ITCH: variants seen among roughly 807,000 people sequenced by gnomAD.
ITCH encodes the protein E3 ubiquitin-protein ligase Itchy homolog.
ITCH carries 28 observed loss-of-function variants against 126.8 expected under a neutral mutation model. The observed-to-expected ratio is 0.22, with a 90% CI of 0.16 to 0.30. The LOEUF is 0.30. Ranked by LOEUF, ITCH falls within the 10% of genes least tolerant of loss-of-function variation. The pLI, the probability that ITCH is intolerant of heterozygous loss-of-function variation, is 1.00. For missense variants in ITCH, 631 were observed against 1,032.4 expected (o/e 0.61, Z 5.33); for synonymous variants, 342 against 340.0 (o/e 1.01, Z -0.06).
intron 23 of ITCH, among the ~76,000 whole-genome samples, chr20:34,498,490 T>G (rs1990031653): frequency 6.6e-6 from 1 of 152,190 alleles, no homozygotes; most frequent in Non-Finnish European, 1.5e-5. Context: ...CTTTATTATG[T>G]TCAGGTACAT....
intron 14 of ITCH, among the ~76,000 whole-genome samples, chr20:34,467,369 A>C (rs1479711629): frequency 1.3e-5 from 2 of 152,116 alleles, no homozygotes; most frequent in East Asian, 3.9e-4. Flanking sequence ...GTCTACAAAA[A>C]ATACAAAATA....
chr20:34,403,161 T>C (rs2038944643), intron 3 of ITCH, among the ~76,000 whole-genome samples: 1 of 152,202 alleles, frequency 6.6e-6, no homozygotes, highest in Admixed American at 6.5e-5. Context: ...TTATTCTGCT[T>C]ATTTATTTAG....
At chr20:34,406,045 A>G (rs961723189) in intron 3 of ITCH, among the ~76,000 whole-genome samples, 1 of 149,318 alleles carries the variant, frequency 6.7e-6, no homozygotes, top group African/African-American at 2.5e-5. Flanking sequence ...TTTTTAAAAG[A>G]CAGTTTTGCT....
At chr20:34,424,398 C>G in intron 6 of ITCH, 82 bp from the exon 7 acceptor site, 1 of 998,380 alleles carries the variant, frequency 1.0e-6, no homozygotes, top group Non-Finnish European at 1.6e-6. Context: ...AAAGGCTTTG[C>G]TTACATGGCA....
intron 2 of ITCH, among the ~76,000 whole-genome samples, chr20:34,375,696 ATTTTTTTTT>A (rs5841171): frequency 2.6e-4 from 17 of 65,520 alleles, no homozygotes; most frequent in Non-Finnish European, 4.0e-4. Context: ...GGTAGTTAAA[ATTTTTTTTT>A]TTTTTTTTTT....
intron 20 of ITCH, among the ~76,000 whole-genome samples, chr20:34,487,417 T>C (rs1209251434): frequency 6.6e-6 from 1 of 152,238 alleles, no homozygotes; most frequent in East Asian, 1.9e-4. Context: ...TAACCATTGC[T>C]ATTTGTTTTG....
At chr20:34,419,422 ATG>A (rs1980434747) in intron 6 of ITCH, among the ~76,000 whole-genome samples, 1 of 150,844 alleles carries the variant, frequency 6.6e-6, no homozygotes, top group African/African-American at 2.4e-5. Flanking sequence ...GTTTTATCCT[ATG>A]TGTGATATAT....
chr20:34,442,330 A>G (rs773618047), intron 10 of ITCH, 27 bp downstream of exon 10: 1 of 1,471,944 alleles, frequency 6.8e-7, no homozygotes, highest in East Asian at 2.3e-5. Flanking sequence ...AAAAAGAATA[A>G]TTTTATTTAG....
chr20:34,468,406 C>T (rs1407585631), intron 14 of ITCH, among the ~76,000 whole-genome samples: 1 of 151,842 alleles, frequency 6.6e-6, no homozygotes, highest in Non-Finnish European at 1.5e-5. Flanking sequence ...GATGAAATAC[C>T]GTAGAACATC....
chr20:34,492,189 A>G (rs1377590012), intron 22 of ITCH, among the ~76,000 whole-genome samples: 1 of 152,212 alleles, frequency 6.6e-6, no homozygotes, highest in Admixed American at 6.5e-5. Flanking sequence ...CCCTCCATCC[A>G]TAGTGTTAAG....
At chr20:34,417,704 T>A (rs967009559) in intron 6 of ITCH, among the ~76,000 whole-genome samples, 13 of 28,816 alleles carry the variant, frequency 4.5e-4, no homozygotes, top group Non-Finnish European at 2.1e-4. Flanking sequence ...CTGGCCCAGC[T>A]TTTTTTTTTT....
rs185666323 is a variant in ITCH at position 34,494,536 on chromosome 20, T to C, written c.2416+1939T>C. Among the ~76,000 whole-genome samples the C allele has an allele frequency of 2.0e-5, 3 of 152,326 alleles. No homozygotes were observed. The East Asian group carries it at 5.8e-4, about 29-fold the overall frequency. ...TGACATAATTGTACACATTTAGGGG[T>C]ACAGTTTTTATTTTGATACATGTAT... On this transcript the variant is annotated intron_variant, in intron 23 of 24. Transcript: ENST00000374864.
intron 23 of ITCH, among the ~76,000 whole-genome samples, chr20:34,502,042 A>C (rs948160639): frequency 6.6e-6 from 1 of 152,210 alleles, no homozygotes; most frequent in Admixed American, 6.5e-5. Flanking sequence ...CTCGGAGACC[A>C]TAACATTTGA....
chr20:34,424,855 G>A (rs1206385081), intron 7 of ITCH, among the ~76,000 whole-genome samples: 1 of 152,296 alleles, frequency 6.6e-6, no homozygotes, highest in East Asian at 1.9e-4. Context: ...TGAGATAGGA[G>A]CTTTACACAT....
chr20:34,456,200 ATATATATATATATATTTTTTTTTTT>A (rs1985944250), intron 12 of ITCH, among the ~76,000 whole-genome samples: 12 of 36,650 alleles, frequency 3.3e-4, no homozygotes, highest in Non-Finnish European at 4.8e-4. Context: ...ATATATATAT[ATATATATATATATATTTTTTTTTTT>A]TTTTTTTTTT....
chr20:34,368,673 C>G (rs2037508775), intron 1 of ITCH, among the ~76,000 whole-genome samples: 1 of 152,184 alleles, frequency 6.6e-6, no homozygotes, highest in South Asian at 2.1e-4. Flanking sequence ...CTATCCTCCT[C>G]CAGTCTAGCA....
intron 2 of ITCH, among the ~76,000 whole-genome samples, chr20:34,383,676 T>C (rs1024593261): frequency 2.0e-5 from 3 of 151,454 alleles, no homozygotes; most frequent in East Asian, 1.9e-4. Flanking sequence ...CTGGCTGATA[T>C]ATATATGTGT....
intron 2 of ITCH, among the ~76,000 whole-genome samples, chr20:34,375,914 A>G (rs948734536): frequency 6.6e-6 from 1 of 151,974 alleles, no homozygotes; most frequent in Middle Eastern, 3.4e-3. Flanking sequence ...AAAATTCACT[A>G]CTTTAAAGTG....
chr20:34,371,784 C>T (rs1306614104), intron 2 of ITCH, among the ~76,000 whole-genome samples: 1 of 152,196 alleles, frequency 6.6e-6, no homozygotes, highest in Admixed American at 6.5e-5. Context: ...ATTCAGGAAA[C>T]CTGCGTTCTA....
Sources: allele counts gnomAD v4.1 joint callset (sites outside exome capture counted in the v4.1 genomes callset), GRCh38; gene constraint gnomAD v4.1.1; transcripts MANE v1.5; gene names NCBI Gene and HGNC (gene_info 2026-07-23, HGNC 2026-07-21).